Variants in CDYL2 observed in about 807,000 individuals in gnomAD.
CDYL2 encodes chromodomain Y-like protein 2.
A neutral mutation model predicts 49.4 loss-of-function variants in CDYL2; 23 were observed. The observed-to-expected ratio is 0.47, with a 90% CI of 0.34 to 0.66. CDYL2 has a LOEUF of 0.66. CDYL2 is among the 30% of genes least tolerant of loss of function. CDYL2 has a pLI of 0.01. For missense variants in CDYL2, 678 were observed against 656.4 expected, an observed-to-expected ratio of 1.03 and a Z score of -0.36; for synonymous variants, 360 against 268.8, an observed-to-expected ratio of 1.34 and a Z score of -3.32.
intron 1 of CDYL2, among the ~76,000 whole-genome samples, chr16:80,777,623 TCTTA>T (rs1380778471): frequency 6.6e-6 from 1 of 152,094 alleles, no homozygotes; most frequent in Non-Finnish European, 1.5e-5. Context: ...AAAATGATGT[TCTTA>T]CTAATATAAA....
chr16:80,604,813 T>C (rs958199237), intron 6 of CDYL2, among the ~76,000 whole-genome samples: 1 of 152,214 alleles, frequency 6.6e-6, no homozygotes, highest in Non-Finnish European at 1.5e-5. Flanking sequence ...TGTTGCCCAA[T>C]GGTGATACAA....
chr16:80,730,137 C>T (rs1905278334), intron 1 of CDYL2, among the ~76,000 whole-genome samples: 2 of 151,986 alleles, frequency 1.3e-5, no homozygotes, highest in South Asian at 2.1e-4. Context: ...CACAAAAAAC[C>T]CTTCAAAAAA....
intron 2 of CDYL2, among the ~76,000 whole-genome samples, chr16:80,669,184 T>G (rs1372979975): frequency 6.6e-6 from 1 of 151,794 alleles, no homozygotes; most frequent in East Asian, 1.9e-4. Context: ...GAGTCAATAG[T>G]GGGTGCCACA....
chr16:80,683,484 C>G (rs149810207), intron 2 of CDYL2, among the ~76,000 whole-genome samples: 1 of 152,184 alleles, frequency 6.6e-6, no homozygotes, highest in Non-Finnish European at 1.5e-5. Flanking sequence ...ATTTTGCCTA[C>G]AGAGACTTTG....
chr16:80,657,245 T>C (rs1258015497), intron 2 of CDYL2, among the ~76,000 whole-genome samples: 6 of 152,164 alleles, frequency 3.9e-5, no homozygotes, highest in Admixed American at 3.9e-4. Context: ...AATGCTCAGA[T>C]GCAAGAAAAA....
chr16:80,631,128 C>A (rs1025146689), intron 3 of CDYL2, among the ~76,000 whole-genome samples: 1 of 152,230 alleles, frequency 6.6e-6, no homozygotes, highest in East Asian at 1.9e-4. Context: ...CCCCTGCCCT[C>A]CTGGCACCTA....
chr16:80,763,419 C>T (rs1906606600), intron 1 of CDYL2, among the ~76,000 whole-genome samples: 1 of 69,728 alleles, frequency 1.4e-5, no homozygotes, highest in African/African-American at 5.5e-5. Flanking sequence ...GCCTGGCCAA[C>T]ATGGTGAAAC....
intron 1 of CDYL2, among the ~76,000 whole-genome samples, chr16:80,758,453 CA>C (rs1906390612): frequency 6.6e-6 from 1 of 150,738 alleles, no homozygotes; most frequent in African/African-American, 2.4e-5. Context: ...CAAATGTGTA[CA>C]ACACTGGATG....
intron 2 of CDYL2, among the ~76,000 whole-genome samples, chr16:80,633,604 C>T (rs73583632): frequency 0.059 from 8,955 of 152,272 alleles, 807 homozygotes; most frequent in African/African-American, 0.2. Context: ...TCAATAAGAG[C>T]AAGACCAGCA....
At chr16:80,793,083 T>G (rs1907660331) in intron 1 of CDYL2, among the ~76,000 whole-genome samples, 1 of 152,206 alleles carries the variant, frequency 6.6e-6, no homozygotes, top group African/African-American at 2.4e-5. Context: ...ACAGCACTCT[T>G]CAGCAAACCC....
intron 1 of CDYL2, among the ~76,000 whole-genome samples, chr16:80,685,906 G>T (rs760000475): frequency 8.5e-5 from 13 of 152,276 alleles, no homozygotes; most frequent in Non-Finnish European, 1.5e-4. Flanking sequence ...GACTTGAACT[G>T]AAAATGTCCA....
At chr16:80,726,951 T>C (rs1029982916) in intron 1 of CDYL2, among the ~76,000 whole-genome samples, 33 of 152,296 alleles carry the variant, frequency 2.2e-4, no homozygotes, top group South Asian at 2.1e-4. Context: ...CTAGGCATGC[T>C]GGTATGTGCC....
intron 1 of CDYL2, among the ~76,000 whole-genome samples, chr16:80,690,730 C>T (rs1910383096): frequency 6.6e-6 from 1 of 152,150 alleles, no homozygotes; most frequent in Non-Finnish European, 1.5e-5. Flanking sequence ...TCCTTGAAGT[C>T]CTGAAGCATC....
In CDYL2 at chr16:80,684,976, T is replaced by A; in HGVS notation, c.178A>T (p.Met60Leu). The A allele has an allele frequency of 6.2e-7, 1 of 1,614,200 alleles. No homozygotes were observed. Among genetic ancestry groups the A allele is most frequent in the Non-Finnish European group, 8.5e-7 (1 of 1,180,032 alleles). The change falls in exon 2 of 7, where the codon ATG (methionine) becomes TTG (leucine). Residue 60 changes from methionine to leucine, a missense_variant. By Grantham distance (15) the Met-to-Leu change is conservative (BLOSUM62 2). Coordinates refer to ENST00000570137, the MANE Select transcript of CDYL2 (RefSeq NM_152342.4). ...GACTTGATCCTCTTGTCCTTGGACA[T>A]GTGCAACCCATTGAATTCATCAATA... is the stretch of plus-strand genomic sequence containing the variant. ...EFIDEFNGLH[M>L]SKDKRIKSGK... is the part of the protein sequence containing the mutation.
At chr16:80,747,217 C>T (rs747108186) in intron 1 of CDYL2, among the ~76,000 whole-genome samples, 3 of 152,144 alleles carry the variant, frequency 2.0e-5, no homozygotes, top group Admixed American at 6.5e-5. Flanking sequence ...CACCACCTGT[C>T]GATGTTCCTT....
intron 1 of CDYL2, among the ~76,000 whole-genome samples, chr16:80,790,272 C>G (rs572806235): frequency 6.6e-6 from 1 of 152,082 alleles, no homozygotes; most frequent in African/African-American, 2.4e-5. Flanking sequence ...CGTGGCTACA[C>G]AAATGCCAAG....
rs563503207 is a variant in CDYL2 at position 80,667,242 on chromosome 16, G to C, written c.616+17296C>G. Among the ~76,000 whole-genome samples the C allele has an allele frequency of 5.3e-5, 8 of 152,204 alleles. No homozygotes were observed. The East Asian group carries it at 1.5e-3, about 29-fold the overall frequency. The stretch of plus-strand genomic sequence containing the variant: ...AGATGGGGTGGGCTTCCATCTATCT[G>C]GTTCTTAAGACAAGCCTGACTACCC... On this transcript the variant is annotated intron_variant, in intron 2 of 6. Coordinates refer to ENST00000570137, the MANE Select transcript of CDYL2 (RefSeq NM_152342.4).
In CDYL2 at chr16:80,672,352, C is replaced by CACACACACAGAGAGAG. The variant is rs68130206; in HGVS notation, c.616+12185_616+12186insCTCTCTCTGTGTGTGT. On this transcript the variant is annotated intron_variant, in intron 2 of 6. Transcript: ENST00000570137. Reference sequence around the variant, plus strand: ...ACACACACACACACACACACACACACAGAGAGAGAGAGAGAGATGAGTAGA... The same window carrying CACACACACAGAGAGAG: ...ACACACACACACACACACACACACACACACACACAGAGAGAGAGAGAGAGAGAGAGAGATGAGTAGA... Among the ~76,000 whole-genome samples, 918 of 117,786 alleles carry CACACACACAGAGAGAG rather than the reference C, an allele frequency of 7.8e-3. 6 individuals carry two copies. The highest frequency in any genetic ancestry group is 0.014 in the East Asian group (45 of 3,324). 77.3% of individuals were successfully genotyped at this position (117,786 alleles called of 152,430 possible). A position where few individuals can be genotyped will look rare whatever the true frequency, so the allele number is the denominator to read the frequency against.
At chr16:80,726,489 A>C (rs753021161) in intron 1 of CDYL2, among the ~76,000 whole-genome samples, 1 of 152,254 alleles carries the variant, frequency 6.6e-6, no homozygotes, top group Admixed American at 6.5e-5. Flanking sequence ...TAAACAATTA[A>C]AAATTTAATC....
Sources: gnomAD v4.1 joint callset for allele counts (sites outside exome capture counted in the v4.1 genomes callset) on GRCh38, gnomAD v4.1.1 for gene constraint, MANE v1.5 for transcripts, NCBI Gene and HGNC (gene_info 2026-07-23, HGNC 2026-07-21) for gene names.